Variants in UNC13C observed in about 807,000 individuals in gnomAD.
The protein encoded by UNC13C is unc-13 homolog C.
A neutral mutation model predicts 245.4 loss-of-function variants in UNC13C; 174 were observed. That is an observed-to-expected ratio of 0.71 (90% CI 0.63 to 0.80). The LOEUF (loss-of-function observed/expected upper bound fraction) is 0.80. Ranked by LOEUF, UNC13C falls within the 30% of genes least tolerant of loss-of-function variation. The pLI is 0.00. For missense variants in UNC13C, 2,829 were observed against 2,602.9 expected (o/e 1.09, Z -1.89); for synonymous variants, 992 against 895.1 (o/e 1.11, Z -1.93).
At chr15:54,166,132 G>A (rs1325150534) in intron 4 of UNC13C, among the ~76,000 whole-genome samples, 2 of 151,968 alleles carry the variant, frequency 1.3e-5, no homozygotes, top group East Asian at 3.9e-4. Flanking sequence ...TGTTATTATA[G>A]CATTATTGAT....
chr15:54,613,729 A>G (rs1300608142), intron 30 of UNC13C, among the ~76,000 whole-genome samples: 1 of 151,964 alleles, frequency 6.6e-6, no homozygotes, highest in East Asian at 1.9e-4. Flanking sequence ...CAGGCTTATA[A>G]CCTCGGTTTA....
chr15:54,500,160 A>C lies in UNC13C; in HGVS notation c.5142A>C (p.Arg1714Ser). 6.2e-7 allele frequency: 1 copy of C among 1,609,610 alleles called. No homozygotes were observed. Among genetic ancestry groups the C allele is most frequent in the Non-Finnish European group, 8.5e-7 (1 of 1,178,236 alleles). The change falls in exon 21 of 33, where the codon AGA (arginine) becomes AGC (serine). Residue 1714 changes from arginine (R) to serine (S), a missense_variant. Coordinates refer to ENST00000260323, the MANE Select transcript of UNC13C (RefSeq NM_001080534.3). ...AATTCCTTCATGGAGCACTGGGAAG[A>C]GACAAAAAAGATGGAGTGAGTTTAA... ...SMEFLHGALG[R>S]DKKDGFQQTS...
At chr15:53,894,996 G>C in the UNC13C span, among the ~76,000 whole-genome samples, 6 of 83,424 alleles carry the variant, frequency 7.2e-5, no homozygotes, top group Admixed American at 8.7e-4. Context: ...GATATCACTA[G>C]ATAAATATGT....
chr15:54,032,247 T>C (rs1294396630), intron 2 of UNC13C, among the ~76,000 whole-genome samples: 1 of 152,192 alleles, frequency 6.6e-6, no homozygotes, highest in Non-Finnish European at 1.5e-5. Context: ...GTATGAACGA[T>C]TTAGAAAGAA....
intron 19 of UNC13C, among the ~76,000 whole-genome samples, chr15:54,463,614 AACCC>A (rs1283775192): frequency 1.3e-5 from 2 of 152,128 alleles, no homozygotes; most frequent in African/African-American, 4.8e-5. Context: ...CCAGACCACG[AACCC>A]ACCAGAAGGA....
chr15:54,052,564 G>A (rs1897317978), intron 2 of UNC13C, among the ~76,000 whole-genome samples: 1 of 152,164 alleles, frequency 6.6e-6, no homozygotes, highest in Admixed American at 6.5e-5. Flanking sequence ...ATTTTACAGA[G>A]GTTGTAATAA....
intron 2 of UNC13C, among the ~76,000 whole-genome samples, chr15:54,036,865 G>C (rs1248322807): frequency 6.6e-6 from 1 of 152,194 alleles, no homozygotes; most frequent in Non-Finnish European, 1.5e-5. Context: ...TATGAACATG[G>C]AAAACCTTCG....
chr15:54,231,040 A>G (rs2035536552), intron 4 of UNC13C, among the ~76,000 whole-genome samples: 1 of 152,148 alleles, frequency 6.6e-6, no homozygotes, highest in East Asian at 1.9e-4. Flanking sequence ...TGTAATGCCT[A>G]TAGTCTAATA....
At chr15:54,499,788 A>G (rs1189644446) in intron 20 of UNC13C, among the ~76,000 whole-genome samples, 1 of 152,162 alleles carries the variant, frequency 6.6e-6, no homozygotes, top group Non-Finnish European at 1.5e-5. Context: ...CACAAGGTCT[A>G]CATTTTACAA....
intron 17 of UNC13C, among the ~76,000 whole-genome samples, chr15:54,341,801 C>A (rs1016321004): frequency 1.3e-4 from 20 of 151,808 alleles, no homozygotes; most frequent in Admixed American, 8.5e-4. Context: ...ACAATGAAAC[C>A]CCGTCTCTGC....
chr15:54,526,637 A>G (rs1264225399), intron 25 of UNC13C, among the ~76,000 whole-genome samples: 1 of 149,964 alleles, frequency 6.7e-6, no homozygotes, highest in African/African-American at 2.5e-5. Flanking sequence ...CCAGTTACTC[A>G]GGAGGCTGAG....
intron 30 of UNC13C, among the ~76,000 whole-genome samples, chr15:54,587,500 T>C (rs183131513): frequency 7.9e-4 from 121 of 152,342 alleles, no homozygotes; most frequent in African/African-American, 2.8e-3. Flanking sequence ...GTTTAAAAGA[T>C]AATGTAGTCG....
At chr15:54,383,416 G>A (rs1306192477) in intron 17 of UNC13C, among the ~76,000 whole-genome samples, 1 of 152,140 alleles carries the variant, frequency 6.6e-6, no homozygotes, top group East Asian at 1.9e-4. Context: ...TATTATGTCA[G>A]CAGAAGGAAA....
chr15:53,932,319 ACAAC>A, the UNC13C span, among the ~76,000 whole-genome samples: 1 of 151,024 alleles, frequency 6.6e-6, no homozygotes, highest in Non-Finnish European at 1.5e-5. Flanking sequence ...AATCAAAACA[ACAAC>A]AACAACAACA....
chr15:54,253,572 C>T (rs1434129156), intron 8 of UNC13C, among the ~76,000 whole-genome samples: 2 of 152,086 alleles, frequency 1.3e-5, no homozygotes, highest in East Asian at 1.9e-4. Flanking sequence ...TGCGTCTCGT[C>T]GCCTAAAAAG....
chr15:53,868,997 C>G, the UNC13C span, among the ~76,000 whole-genome samples: 8 of 152,206 alleles, frequency 5.3e-5, no homozygotes, highest in East Asian at 1.2e-3. Context: ...GTAGTCTGGG[C>G]TACTCAGAGG....
chr15:54,517,829 A>C (rs1036105290), intron 24 of UNC13C, among the ~76,000 whole-genome samples: 1 of 152,190 alleles, frequency 6.6e-6, no homozygotes, highest in Non-Finnish European at 1.5e-5. Flanking sequence ...AAAAACAACA[A>C]GGACACTCCT....
At chr15:54,023,217 CA>C (rs1895972817) in intron 2 of UNC13C, among the ~76,000 whole-genome samples, 1 of 152,184 alleles carries the variant, frequency 6.6e-6, no homozygotes, top group Admixed American at 6.5e-5. Context: ...AAGGAAGGCC[CA>C]ACATCATATA....
At chr15:54,264,532 T>C in intron 9 of UNC13C, 137 bp downstream of exon 9, 1 of 692,380 alleles carries the variant, frequency 1.4e-6, no homozygotes, top group Non-Finnish European at 2.4e-6. Context: ...GACTAGTTGG[T>C]ACTTCACATT....
Sources: allele counts gnomAD v4.1 joint callset (sites outside exome capture counted in the v4.1 genomes callset), GRCh38; gene constraint gnomAD v4.1.1; transcripts MANE v1.5; gene names NCBI Gene and HGNC (gene_info 2026-07-23, HGNC 2026-07-21).